Variants in CCDC3 observed in about 807,000 individuals in gnomAD.
CCDC3 encodes coiled-coil domain containing 3.
In CCDC3, 24 loss-of-function variants were observed where a neutral mutation model predicts 21.4. The observed-to-expected ratio is 1.12, with a 90% CI of 0.81 to 1.58. The LOEUF is 1.58. Ranked by LOEUF, CCDC3 falls within the 40% of genes most tolerant of loss-of-function variation. CCDC3 has a pLI of 0.00. For missense variants in CCDC3, 425 were observed against 360.9 expected, an observed-to-expected ratio of 1.18 and a Z score of -1.44; for synonymous variants, 186 against 166.0, an observed-to-expected ratio of 1.12 and a Z score of -0.93.
intron 1 of CCDC3, among the ~76,000 whole-genome samples, chr10:12,998,900 C>A (rs1330224380): frequency 6.6e-6 from 1 of 152,142 alleles, no homozygotes; most frequent in Non-Finnish European, 1.5e-5. Context: ...TGACATGAAA[C>A]AAATGTCTTA....
At chr10:12,946,665 AAATTT>A (rs778122537) in intron 2 of CCDC3, among the ~76,000 whole-genome samples, 7 of 152,292 alleles carry the variant, frequency 4.6e-5, no homozygotes, top group South Asian at 2.1e-4. Context: ...ACATTCTGTT[AAATTT>A]AATTTATCTA....
intron 4 of CCDC3, among the ~76,000 whole-genome samples, chr10:13,054,118 C>A (rs2782289): frequency 6.9e-6 from 1 of 144,198 alleles, no homozygotes; most frequent in Admixed American, 7.3e-5. Flanking sequence ...GCACTCTGGC[C>A]TGGGTGACAG....
chr10:13,002,341 C>G (rs1483907982), upstream of CCDC3, among the ~76,000 whole-genome samples: 1 of 152,220 alleles, frequency 6.6e-6, no homozygotes, highest in Non-Finnish European at 1.5e-5. Flanking sequence ...AGGATACTGA[C>G]TCCACAGTTC....
Position 13,023,128 on chromosome 10 carries a change from C to G in CCDC3, c.-1-24616G>C, listed in dbSNP as rs537061503. On this transcript the variant is annotated intron_variant, in intron 5 of 6. Coordinates refer to the CCDC3 transcript ENST00000378839. ...AACAGCCCTTTTCATGATTGTACAG[C>G]AAAAGGAAAGTGTAAAATAAAAGAT... is the stretch of plus-strand genomic sequence containing the variant. Among the ~76,000 whole-genome samples, 21 of 151,276 alleles carry G rather than the reference C, an allele frequency of 1.4e-4. No individual in the cohort carries two copies. In the South Asian group the frequency reaches 4.4e-3, roughly 31 times the overall value.
chr10:12,983,130 GTATATATATA>G (rs57120940), intron 2 of CCDC3, among the ~76,000 whole-genome samples: 2 of 29,070 alleles, frequency 6.9e-5, no homozygotes, highest in African/African-American at 3.0e-4. Context: ...ATAAAATAGT[GTATATATATA>G]TATATATATA....
chr10:12,995,618 G>A (rs2131283648), intron 2 of CCDC3, among the ~76,000 whole-genome samples: 1 of 152,284 alleles, frequency 6.6e-6, no homozygotes, highest in East Asian at 1.9e-4. Context: ...CACAAGCAGA[G>A]GTCTGGAAAC....
chr10:12,996,843 A>G (rs1835768819), intron 2 of CCDC3, among the ~76,000 whole-genome samples: 1 of 152,052 alleles, frequency 6.6e-6, no homozygotes, highest in Non-Finnish European at 1.5e-5. Context: ...AAACCCAAAC[A>G]CTGCATGTTC....
At chr10:13,078,014 C>G (rs182387943) in intron 3 of CCDC3, among the ~76,000 whole-genome samples, 125 of 152,282 alleles carry the variant, frequency 8.2e-4, no homozygotes, top group African/African-American at 3.0e-3. Flanking sequence ...CAAATGGGAT[C>G]TAATTAAACT....
At chr10:13,026,343 GC>G (rs1361116434) in intron 5 of CCDC3, among the ~76,000 whole-genome samples, 1 of 152,126 alleles carries the variant, frequency 6.6e-6, no homozygotes. Context: ...ATAACCTACA[GC>G]TTTTACAAAC....
At chr10:13,000,153 T>C (rs559131719) in intron 1 of CCDC3, among the ~76,000 whole-genome samples, 1 of 152,352 alleles carries the variant, frequency 6.6e-6, no homozygotes, top group Admixed American at 6.5e-5. Flanking sequence ...TCAGTGCTAC[T>C]TCCCAGACTG....
At chr10:12,996,601 GC>G (rs1441294953) in intron 2 of CCDC3, among the ~76,000 whole-genome samples, 1 of 152,146 alleles carries the variant, frequency 6.6e-6, no homozygotes, top group East Asian at 1.9e-4. Context: ...CTCCCAAAGT[GC>G]TGGGATTACA....
intron 3 of CCDC3, among the ~76,000 whole-genome samples, chr10:13,086,689 G>A (rs534879711): frequency 1.3e-5 from 2 of 152,146 alleles, no homozygotes; most frequent in South Asian, 4.1e-4. Context: ...CTCGTGACCC[G>A]CCTGCCTCAG....
chr10:13,096,492 A>G (rs538199668), intron 3 of CCDC3, among the ~76,000 whole-genome samples: 51 of 152,138 alleles, frequency 3.4e-4, no homozygotes, highest in East Asian at 3.9e-4. Flanking sequence ...CTTTAAACCC[A>G]GTTCTGCAGG....
chr10:12,922,123 C>T (rs1464788622), intron 2 of CCDC3, among the ~76,000 whole-genome samples: 1 of 152,260 alleles, frequency 6.6e-6, no homozygotes, highest in African/African-American at 2.4e-5. Context: ...GGCTTTATCT[C>T]TGACTCCCAT....
At chr10:13,096,953 G>T (rs1832634520) in intron 3 of CCDC3, among the ~76,000 whole-genome samples, 1 of 152,214 alleles carries the variant, frequency 6.6e-6, no homozygotes, top group African/African-American at 2.4e-5. Flanking sequence ...GATGTATTGA[G>T]ATCAGGCTTT....
At chr10:13,075,274 C>T (rs935706434) in intron 3 of CCDC3, among the ~76,000 whole-genome samples, 3 of 152,156 alleles carry the variant, frequency 2.0e-5, no homozygotes, top group African/African-American at 7.2e-5. Context: ...TTTTGTTTTG[C>T]GTATCACTGT....
chr10:13,015,361 C>A (rs368547716), intron 5 of CCDC3, among the ~76,000 whole-genome samples: 9 of 152,016 alleles, frequency 5.9e-5, no homozygotes, highest in African/African-American at 2.2e-4. Flanking sequence ...CATTGCTCTC[C>A]GGGAGCTGAT....
At chr10:13,066,915 C>A (rs982189157) in intron 4 of CCDC3, among the ~76,000 whole-genome samples, 3 of 152,148 alleles carry the variant, frequency 2.0e-5, no homozygotes, top group Admixed American at 6.5e-5. Context: ...TCTGCCCACC[C>A]TTCAATGTGT....
At chr10:13,066,250 C>T (rs916225454) in intron 4 of CCDC3, among the ~76,000 whole-genome samples, 9 of 152,132 alleles carry the variant, frequency 5.9e-5, no homozygotes, top group African/African-American at 1.9e-4. Flanking sequence ...CTTGCCCTCC[C>T]GGGCTCAGGT....
Sources: allele counts gnomAD v4.1 joint callset (sites outside exome capture counted in the v4.1 genomes callset), GRCh38; gene constraint gnomAD v4.1.1; transcripts MANE v1.5; gene names NCBI Gene and HGNC (gene_info 2026-07-23, HGNC 2026-07-21).